MGST1: variants seen among roughly 807,000 people sequenced by gnomAD.
MGST1 encodes glutathione S-transferase 12.
A neutral mutation model predicts 8.9 loss-of-function variants in MGST1; 5 were observed. The observed-to-expected ratio is 0.56, with a 90% CI of 0.29 to 1.19. The LOEUF (loss-of-function observed/expected upper bound fraction) is 1.19. Among genes scored for constraint, MGST1 ranks in the 50% most tolerant of loss-of-function variants. The pLI, the probability that MGST1 is intolerant of heterozygous loss-of-function variation, is 0.08. For missense variants in MGST1, 182 were observed against 187.4 expected (o/e 0.97, Z 0.17); for synonymous variants, 54 against 67.8 (o/e 0.80, Z 1.00).
At chr12:16,530,312 G>GT (rs1024832120) in intron 4 of MGST1, among the ~76,000 whole-genome samples, 1 of 151,892 alleles carries the variant, frequency 6.6e-6, no homozygotes, top group Non-Finnish European at 1.5e-5. Context: ...AAGGGTCTTT[G>GT]TTTTTTTAAA....
At position 16,513,391 on chromosome 12, in the gene MGST1, C is replaced by A; in HGVS notation, n.483-76137C>A. 1 of 377,942 alleles carries A rather than the reference C, an allele frequency of 2.6e-6. No homozygotes were observed. The highest frequency in any genetic ancestry group is 2.0e-5 in the South Asian group (1 of 49,032). 23.4% of individuals were successfully genotyped at this position (377,942 alleles called of 1,614,324 possible). The stretch of plus-strand genomic sequence containing the variant: ...TGCCCACTGCCCTCCTACCGTCCAC[C>A]ATGGCTCCTCTGCGCTCCAGCTGCG... On this transcript the variant is annotated intron_variant and non_coding_transcript_variant, in intron 4 of 4. Transcript: ENST00000538857. This position sits in a 1 kb window ranked among gnomAD's most constrained non-coding sequence, Gnocchi z 4.2.
At chr12:16,543,005 C>T (rs987501390) in intron 4 of MGST1, among the ~76,000 whole-genome samples, 2 of 152,152 alleles carry the variant, frequency 1.3e-5, no homozygotes, top group African/African-American at 4.8e-5. Context: ...TAAATCACTT[C>T]CTCCTGGGTG....
rs1940254496 is a variant in MGST1 at position 16,369,503 on chromosome 12, ACT to A, written c.222-6613_222-6612del. Among the ~76,000 whole-genome samples, 1 of 151,858 alleles carries A rather than the reference ACT, an allele frequency of 6.6e-6. No homozygotes were observed. The highest frequency in any genetic ancestry group is 2.4e-5 in the African/African-American group (1 of 41,330). On this transcript the variant is annotated intron_variant, in intron 3 of 3. Coordinates refer to the MGST1 transcript ENST00000535309. This position sits in a 1 kb window ranked among gnomAD's most constrained non-coding sequence, Gnocchi z 4.8. ...CAACTAGGGTTACTTGGGCAACTCA[ACT>A]CTCTCCCATGTGTCTTATCCTGTAC... is the stretch of plus-strand genomic sequence containing the variant.
intron 4 of MGST1, among the ~76,000 whole-genome samples, chr12:16,471,846 G>A (rs762740410): frequency 2.0e-5 from 3 of 152,038 alleles, no homozygotes; most frequent in Non-Finnish European, 2.9e-5. Context: ...TTCATTTCAT[G>A]ATCTGTCTCT....
intron 4 of MGST1, among the ~76,000 whole-genome samples, chr12:16,489,590 G>A (rs1179947692): frequency 6.6e-6 from 1 of 152,136 alleles, no homozygotes; most frequent in East Asian, 1.9e-4. Context: ...TCATTACAAG[G>A]ATTTATTTGA....
rs1941589256 is a variant in MGST1, at chr12:16,513,415, C to T, written n.483-76113C>T. 7.6e-6 allele frequency: 3 copies of T among 392,816 alleles called. No individual in the cohort carries two copies. The highest frequency in any genetic ancestry group is 1.5e-5 in the Non-Finnish European group (3 of 201,658). 24.3% of individuals were successfully genotyped at this position (392,816 alleles called of 1,614,324 possible). A position where few individuals can be genotyped will look rare whatever the true frequency, so the allele number is the denominator to read the frequency against. On this transcript the variant is annotated intron_variant and non_coding_transcript_variant, in intron 4 of 4. Transcript: ENST00000538857. This position sits in a 1 kb window ranked among gnomAD's most constrained non-coding sequence, Gnocchi z 4.2. ...CCATGGCTCCTCTGCGCTCCAGCTG[C>T]GTCGTCTCCGGGATCGCCGCCGCCT...
rs1215786741 is a variant in MGST1, at chr12:16,555,618, C to T, written n.483-33910C>T. 3.3e-5 allele frequency among the ~76,000 whole-genome samples: 5 copies of T among 152,138 alleles called. No individual in the cohort carries two copies. In the East Asian group the frequency reaches 9.6e-4, roughly 29 times the overall value. On this transcript the variant is annotated intron_variant and non_coding_transcript_variant, in intron 4 of 4. Coordinates refer to the MGST1 transcript ENST00000538857. The surrounding 1 kb of genome is among the most constrained non-coding windows in gnomAD (Gnocchi z 5.5). The stretch of plus-strand genomic sequence containing the variant: ...ATTCATTTTGACTTTTATTTAATGG[C>T]TTTTCAAAGACTAAGTTTACAATTT...
chr12:16,424,666 A>C (rs1002103845), intron 1 of MGST1, among the ~76,000 whole-genome samples: 2 of 152,166 alleles, frequency 1.3e-5, no homozygotes, highest in African/African-American at 4.8e-5. Flanking sequence ...CCAGTTTCAC[A>C]TCTGCTTCTG....
At chr12:16,474,463 G>A (rs181323704) in intron 4 of MGST1, among the ~76,000 whole-genome samples, 1 of 152,054 alleles carries the variant, frequency 6.6e-6, no homozygotes, top group African/African-American at 2.4e-5. Flanking sequence ...CAAGACTCTT[G>A]GATATCAATA....
intron 3 of MGST1, among the ~76,000 whole-genome samples, chr12:16,373,483 A>G (rs1322946293): frequency 6.6e-6 from 1 of 152,116 alleles, no homozygotes; most frequent in African/African-American, 2.4e-5. Flanking sequence ...AGATTATAAT[A>G]TGATTGTATC....
At position 16,454,902 on chromosome 12, in the gene MGST1, A is replaced by AAAAAAAAAAAAAAAAAAAAG. The variant is rs1555104768; in HGVS notation, n.482+71300_482+71301insAAAAAAAAAAAAAAAAAGAA. ...AAAAAAAAAAAAAAAAAAAAAAAAA[A>AAAAAAAAAAAAAAAAAAAAG]AAGGAGATGGGAAGATTTGAGGAGA... On this transcript the variant is annotated intron_variant and non_coding_transcript_variant, in intron 4 of 4. Coordinates refer to the MGST1 transcript ENST00000538857. Among the ~76,000 whole-genome samples the AAAAAAAAAAAAAAAAAAAAG allele has an allele frequency of 4.8e-5, 6 of 125,996 alleles. 2 individuals are homozygous for AAAAAAAAAAAAAAAAAAAAG. The highest frequency in any genetic ancestry group is 1.6e-4 in the African/African-American group (5 of 30,900). The allele number at this position is 125,996 out of a possible 152,430, so 82.7% of individuals were successfully genotyped here.
At position 16,541,986 on chromosome 12, in the gene MGST1, C is replaced by T. The variant is rs532764447; in HGVS notation, n.483-47542C>T. ...GTCCAAGTTCAAGTCTGTTTAAGTC[C>T]GCCCTGCTGCAGTGGCCCCCAAATC... On this transcript the variant is annotated intron_variant and non_coding_transcript_variant, in intron 4 of 4. Coordinates refer to the MGST1 transcript ENST00000538857. Among the ~76,000 whole-genome samples, 58 of 152,168 alleles carry T rather than the reference C, an allele frequency of 3.8e-4. 1 individual carries two copies. The South Asian group carries it at 9.6e-3, about 25-fold the overall frequency.
intron 1 of MGST1, among the ~76,000 whole-genome samples, chr12:16,427,288 T>C (rs986337548): frequency 6.6e-6 from 1 of 152,118 alleles, no homozygotes; most frequent in African/African-American, 2.4e-5. Flanking sequence ...AAACAGGGGA[T>C]GAAGGGCAGA....
At chr12:16,438,490 A>T (rs941595397) in exon 2 of MGST1, 1 of 151,892 alleles carries the variant, frequency 6.6e-6, no homozygotes, top group Non-Finnish European at 1.5e-5. Context: ...AGGGGTTAAC[A>T]TATGAATAGA....
At chr12:16,473,038 T>C (rs1482786224) in intron 4 of MGST1, among the ~76,000 whole-genome samples, 2 of 152,202 alleles carry the variant, frequency 1.3e-5, no homozygotes, top group African/African-American at 2.4e-5. Context: ...AGATGTAGCA[T>C]ACCTATCAAA....
At chr12:16,372,240 C>T (rs1326691052) in intron 3 of MGST1, among the ~76,000 whole-genome samples, 2 of 151,990 alleles carry the variant, frequency 1.3e-5, no homozygotes, top group East Asian at 1.9e-4. Flanking sequence ...AGCAAAGAGA[C>T]AACCTACAAA....
intron 4 of MGST1, among the ~76,000 whole-genome samples, chr12:16,515,499 G>A (rs946646184): frequency 6.6e-6 from 1 of 151,886 alleles, no homozygotes; most frequent in African/African-American, 2.4e-5. Flanking sequence ...GCATAGTAGC[G>A]GGAGCCTGTA....
At chr12:16,367,149 G>A (rs2137013007), downstream of MGST1, among the ~76,000 whole-genome samples, 1 of 152,268 alleles carries the variant, frequency 6.6e-6, no homozygotes, top group Middle Eastern at 3.4e-3. Flanking sequence ...TTACTCTGGA[G>A]GCAGGTGTTG....
rs776728531 is a variant in MGST1 at position 16,357,558 on chromosome 12, T to A, written c.127-47T>A. ...TGGAATTACAGGTGTGAGCTATTGCTCCTGGCCAGTATTTGAAATAAGTTT... is the reference window on the plus strand; with the variant it reads ...TGGAATTACAGGTGTGAGCTATTGCACCTGGCCAGTATTTGAAATAAGTTT... On this transcript the variant is annotated intron_variant, in intron 2 of 3. Coordinates refer to ENST00000396210, the MANE Select transcript of MGST1 (RefSeq NM_020300.5). The A allele has an allele frequency of 7.6e-6, 11 of 1,450,312 alleles. No homozygotes were observed. In the East Asian group the frequency reaches 2.5e-4, roughly 34 times the overall value. 89.8% of individuals were successfully genotyped at this position (1,450,312 alleles called of 1,614,324 possible).
Sources: allele counts gnomAD v4.1 joint callset (sites outside exome capture counted in the v4.1 genomes callset), GRCh38; gene constraint gnomAD v4.1.1; non-coding constraint Gnocchi (gnomAD v3.1); transcripts MANE v1.5; gene names NCBI Gene and HGNC (gene_info 2026-07-23, HGNC 2026-07-21).